The following C4orf51 variants were observed in gnomAD, a reference collection of about 807,000 sequenced individuals.
The protein encoded by C4orf51 is chromosome 4 open reading frame 51.
Under a neutral mutation model 25.2 loss-of-function variants are expected in C4orf51, and 25 were observed. The observed-to-expected ratio is 0.99, with a 90% CI of 0.72 to 1.39. The LOEUF is 1.39. Ranked by LOEUF, C4orf51 falls within the 40% of genes most tolerant of loss-of-function variation. The pLI, the probability that C4orf51 is intolerant of heterozygous loss-of-function variation, is 0.00. For missense variants in C4orf51, 252 were observed against 239.6 expected (o/e 1.05, Z -0.34); for synonymous variants, 100 against 84.5 (o/e 1.18, Z -1.01).
chr4:145,785,506 T>G, the C4orf51 span, among the ~76,000 whole-genome samples: 2 of 152,148 alleles, frequency 1.3e-5, no homozygotes, highest in Admixed American at 1.3e-4. Context: ...AAATGAAGCA[T>G]TATATTCCAG....
rs62345780 is a variant in C4orf51, at chr4:145,761,181, G to A, written n.167-9807G>A. 61,042 of 1,289,810 alleles carry A rather than the reference G, an allele frequency of 0.047. 1,594 individuals are homozygous for A. The highest frequency in any genetic ancestry group is 0.081 in the Admixed American group (3,551 of 43,572). 79.9% of individuals were successfully genotyped at this position (1,289,810 alleles called of 1,614,324 possible). A position where few individuals can be genotyped will look rare whatever the true frequency, so the allele number is the denominator to read the frequency against. ...GACACAGGCCCTTCTTGTCCTCCTC[G>A]GGGCAGTCCCCACTCTGGTGCTTCT... On this transcript the variant is annotated intron_variant and non_coding_transcript_variant, in intron 1 of 1. Transcript: ENST00000510096. This position sits in a 1 kb window ranked among gnomAD's most constrained non-coding sequence, Gnocchi z 6.8.
intron 1 of C4orf51, among the ~76,000 whole-genome samples, chr4:145,687,522 A>C (rs1729242829): frequency 6.6e-6 from 1 of 152,168 alleles, no homozygotes. Context: ...TAGAGGACAA[A>C]ATTTACTTTT....
the C4orf51 span, among the ~76,000 whole-genome samples, chr4:145,784,554 T>A: frequency 6.6e-6 from 1 of 152,206 alleles, no homozygotes; most frequent in Non-Finnish European, 1.5e-5. Context: ...CTTAATTATC[T>A]TCTTCTGTTG....
chr4:145,735,841 C>G (rs138074547), downstream of C4orf51, among the ~76,000 whole-genome samples: 47 of 152,302 alleles, frequency 3.1e-4, no homozygotes, highest in Middle Eastern at 3.4e-3. Flanking sequence ...CTTTTAAGGA[C>G]GATGACTTCA....
the C4orf51 span, among the ~76,000 whole-genome samples, chr4:145,788,715 C>T: frequency 5.9e-5 from 9 of 152,160 alleles, no homozygotes; most frequent in Non-Finnish European, 1.0e-4. Flanking sequence ...TATTATCTTG[C>T]CCATTACACA....
intron 2 of C4orf51, among the ~76,000 whole-genome samples, chr4:145,711,858 A>G (rs1300588297): frequency 1.3e-5 from 2 of 152,086 alleles, no homozygotes; most frequent in African/African-American, 4.8e-5. Flanking sequence ...TTTCTCACAA[A>G]TTGAAAGTGT....
chr4:145,740,871 A>T (rs942377875), intron 1 of C4orf51, among the ~76,000 whole-genome samples: 1 of 152,208 alleles, frequency 6.6e-6, no homozygotes, highest in Non-Finnish European at 1.5e-5. Context: ...TTAATAAAAA[A>T]CAGATTATTT....
intron 2 of C4orf51, among the ~76,000 whole-genome samples, chr4:145,722,899 G>T (rs937866688): frequency 2.0e-5 from 3 of 152,166 alleles, no homozygotes; most frequent in African/African-American, 7.2e-5. Context: ...TGCTCCTTAT[G>T]AGAATCTAAT....
At chr4:145,781,388 G>C in the C4orf51 span, among the ~76,000 whole-genome samples, 2 of 152,118 alleles carry the variant, frequency 1.3e-5, no homozygotes, top group Non-Finnish European at 2.9e-5. Context: ...TGATTTGCCA[G>C]ATAGGGAAGA....
intron 2 of C4orf51, among the ~76,000 whole-genome samples, chr4:145,698,432 A>T (rs1198741105): frequency 6.6e-6 from 1 of 152,264 alleles, no homozygotes; most frequent in East Asian, 1.9e-4. Flanking sequence ...CTACCAGGTC[A>T]GAGGCAGATT....
At chr4:145,724,880 C>CAAAA (rs1222983724) in intron 2 of C4orf51, among the ~76,000 whole-genome samples, 2,336 of 67,106 alleles carry the variant, frequency 0.035, 116 homozygotes, top group African/African-American at 0.098. Context: ...AAGACTGTCT[C>CAAAA]AAAAAAAAAA....
chr4:145,724,884 A>C (rs1409762122), intron 2 of C4orf51, among the ~76,000 whole-genome samples: 2 of 147,930 alleles, frequency 1.4e-5, no homozygotes, highest in Non-Finnish European at 3.0e-5. Context: ...CTGTCTCAAA[A>C]AAAAAAAAAA....
At chr4:145,781,240 AAG>A in the C4orf51 span, among the ~76,000 whole-genome samples, 2 of 150,656 alleles carry the variant, frequency 1.3e-5, no homozygotes, top group Admixed American at 6.6e-5. Flanking sequence ...AAAAAAAAAA[AAG>A]AAAATGCTCA....
intron 2 of C4orf51, among the ~76,000 whole-genome samples, chr4:145,707,752 C>T (rs1045205381): frequency 6.6e-6 from 1 of 152,092 alleles, no homozygotes; most frequent in Non-Finnish European, 1.5e-5. Context: ...CATTACCTGA[C>T]AGGATTTGGA....
chr4:145,760,420 C>T (rs1221379111), intron 1 of C4orf51: 2 of 153,224 alleles, frequency 1.3e-5, no homozygotes, highest in East Asian at 3.8e-4. Flanking sequence ...GTGCTGATTG[C>T]TATTAAGGAC....
At position 145,763,482 on chromosome 4, in the gene C4orf51, G is replaced by A. The variant is rs1297712447; in HGVS notation, n.167-7506G>A. Among the ~76,000 whole-genome samples the A allele has an allele frequency of 6.6e-6, 1 of 152,218 alleles. No individual in the cohort carries two copies. The highest frequency in any genetic ancestry group is 1.5e-5 in the Non-Finnish European group (1 of 68,042). ...CTAGAACATAAACTATTACACAGGG[G>A]ACGGTTAGCACCGCACGGGAAGTGT... is the stretch of plus-strand genomic sequence containing the variant. On this transcript the variant is annotated intron_variant and non_coding_transcript_variant, in intron 1 of 1. Coordinates refer to the C4orf51 transcript ENST00000510096. The surrounding 1 kb of genome is among the most constrained non-coding windows in gnomAD (Gnocchi z 4.6).
intron 2 of C4orf51, among the ~76,000 whole-genome samples, chr4:145,706,249 A>G (rs1470750225): frequency 1.3e-5 from 2 of 152,244 alleles, no homozygotes; most frequent in African/African-American, 4.8e-5. Flanking sequence ...GGTTATTTGC[A>G]TAAAGCACTG....
At chr4:145,725,343 T>C (rs564476694) in intron 2 of C4orf51, among the ~76,000 whole-genome samples, 3 of 152,176 alleles carry the variant, frequency 2.0e-5, no homozygotes, top group Non-Finnish European at 4.4e-5. Context: ...GGTGGGAATA[T>C]AAAAGAATAC....
At chr4:145,693,394 T>C (rs28521021) in intron 1 of C4orf51, among the ~76,000 whole-genome samples, 66,132 of 150,858 alleles carry the variant, frequency 0.44, 14,830 homozygotes, top group Admixed American at 0.53. Context: ...GAATTTTTCT[T>C]AGTGTAGAAC....
Sources: allele counts gnomAD v4.1 joint callset (sites outside exome capture counted in the v4.1 genomes callset), GRCh38; gene constraint gnomAD v4.1.1; non-coding constraint Gnocchi (gnomAD v3.1); transcripts MANE v1.5; gene names NCBI Gene and HGNC (gene_info 2026-07-23, HGNC 2026-07-21).